XKR9: variants seen among roughly 807,000 people sequenced by gnomAD.
XKR9 encodes the protein XK-related protein 9.
A neutral mutation model predicts 32.0 loss-of-function variants in XKR9; 32 were observed. The observed-to-expected ratio is 1.00, with a 90% CI of 0.76 to 1.34. The LOEUF (loss-of-function observed/expected upper bound fraction) is 1.34, where lower values mean the gene tolerates loss of function less well. Ranked by LOEUF, XKR9 falls within the 40% of genes most tolerant of loss-of-function variation. The pLI, the probability that XKR9 is intolerant of heterozygous loss-of-function variation, is 0.00. For synonymous variants in XKR9, 168 were observed against 143.4 expected, an observed-to-expected ratio of 1.17 and a Z score of -1.22; for missense variants, 546 against 429.7, an observed-to-expected ratio of 1.27 and a Z score of -2.39.
At chr8:70,965,379 T>G in the XKR9 span, among the ~76,000 whole-genome samples, 2 of 152,200 alleles carry the variant, frequency 1.3e-5, no homozygotes, top group Non-Finnish European at 2.9e-5. Flanking sequence ...TTTGCGTTGA[T>G]GTTTATCAGA....
intron 4 of XKR9, among the ~76,000 whole-genome samples, chr8:70,716,194 G>A (rs1586849527): frequency 6.6e-6 from 1 of 152,002 alleles, no homozygotes; most frequent in East Asian, 1.9e-4. Context: ...TAATTAGAGG[G>A]TTATGAAAAC....
the XKR9 span, among the ~76,000 whole-genome samples, chr8:70,949,803 C>A: frequency 2.6e-5 from 4 of 152,046 alleles, no homozygotes; most frequent in South Asian, 2.1e-4. Context: ...GGAGATCCTG[C>A]AAGATTAGTT....
the XKR9 span, among the ~76,000 whole-genome samples, chr8:70,829,432 G>A: frequency 6.6e-6 from 1 of 152,118 alleles, no homozygotes; most frequent in Non-Finnish European, 1.5e-5. Flanking sequence ...AAAGCCTCTT[G>A]ACATGTATTA....
the XKR9 span, among the ~76,000 whole-genome samples, chr8:70,804,462 T>C: frequency 6.6e-6 from 1 of 152,264 alleles, no homozygotes; most frequent in Non-Finnish European, 1.5e-5. Context: ...AATTATTTTA[T>C]GTGCAAAGTG....
At chr8:70,897,814 G>A in the XKR9 span, among the ~76,000 whole-genome samples, 376 of 152,164 alleles carry the variant, frequency 2.5e-3, no homozygotes, top group Non-Finnish European at 4.5e-3. Flanking sequence ...CTCCCATTCC[G>A]TGGGTTATCT....
At chr8:70,846,477 T>C in the XKR9 span, among the ~76,000 whole-genome samples, 1 of 151,696 alleles carries the variant, frequency 6.6e-6, no homozygotes. Flanking sequence ...GGAACAAAGA[T>C]ATACAAAACA....
chr8:71,007,903 CA>C, the XKR9 span, among the ~76,000 whole-genome samples: 1 of 150,874 alleles, frequency 6.6e-6, no homozygotes, highest in Non-Finnish European at 1.5e-5. Flanking sequence ...TAAATAGAAG[CA>C]AAAAAGCATT....
Position 70,741,350 on chromosome 8 carries a change from G to A in XKR9, n.352+34197G>A, listed in dbSNP as rs575581835. Among the ~76,000 whole-genome samples, 4 of 152,334 alleles carry A rather than the reference G, an allele frequency of 2.6e-5. No individual in the cohort carries two copies. In the South Asian group the frequency reaches 8.3e-4, roughly 32 times the overall value. On this transcript the variant is annotated intron_variant and non_coding_transcript_variant, in intron 2 of 3. Transcript: ENST00000520273. Reference sequence around the variant, plus strand: ...CTGCCATGTTATGATAGAGCAAAGAGGCCCTCATCAGATGCTAGTGCTATG... The same window carrying A: ...CTGCCATGTTATGATAGAGCAAAGAAGCCCTCATCAGATGCTAGTGCTATG...
At chr8:70,832,059 CT>C in the XKR9 span, among the ~76,000 whole-genome samples, 1 of 152,124 alleles carries the variant, frequency 6.6e-6, no homozygotes, top group Non-Finnish European at 1.5e-5. Context: ...TAAAAATTAA[CT>C]TTTAAGAGGT....
the XKR9 span, among the ~76,000 whole-genome samples, chr8:71,044,864 C>T: frequency 9.2e-4 from 140 of 152,262 alleles, no homozygotes; most frequent in African/African-American, 3.1e-3. Context: ...GTACAACCAG[C>T]GTAGTTTATC....
chr8:71,053,313 C>T, the XKR9 span, among the ~76,000 whole-genome samples: 1 of 152,178 alleles, frequency 6.6e-6, no homozygotes, highest in Non-Finnish European at 1.5e-5. Flanking sequence ...GATTCTAAAA[C>T]CCCAGGTGAA....
At chr8:70,865,936 A>T in the XKR9 span, among the ~76,000 whole-genome samples, 1 of 152,190 alleles carries the variant, frequency 6.6e-6, no homozygotes, top group East Asian at 1.9e-4. Context: ...ACTTTTTTAC[A>T]TGTAGGGTGA....
At chr8:70,739,468 T>C (rs1017377588), downstream of XKR9, among the ~76,000 whole-genome samples, 1 of 152,194 alleles carries the variant, frequency 6.6e-6, no homozygotes, top group Admixed American at 6.5e-5. Flanking sequence ...TCCATTTACA[T>C]TTAAAGTTAA....
At chr8:70,914,690 C>T in the XKR9 span, among the ~76,000 whole-genome samples, 48,328 of 151,986 alleles carry the variant, frequency 0.32, 9,007 homozygotes, top group Non-Finnish European at 0.43. Flanking sequence ...ACTTCCTTAA[C>T]GGTGTCTTTT....
the XKR9 span, among the ~76,000 whole-genome samples, chr8:70,837,142 A>G: frequency 6.6e-6 from 1 of 152,012 alleles, no homozygotes; most frequent in Non-Finnish European, 1.5e-5. Context: ...TACCTCTAAT[A>G]CCACTTATTT....
chr8:71,004,998 C>CTTTTT, the XKR9 span, among the ~76,000 whole-genome samples: 20 of 48,230 alleles, frequency 4.1e-4, no homozygotes, highest in Non-Finnish European at 5.4e-4. Flanking sequence ...TTAATCTATG[C>CTTTTT]TTTTTTTTTT....
chr8:70,852,856 G>C, the XKR9 span, among the ~76,000 whole-genome samples: 56 of 152,200 alleles, frequency 3.7e-4, no homozygotes, highest in East Asian at 2.3e-3. Flanking sequence ...TGGCAGGTGG[G>C]GGACAGGAAA....
the XKR9 span, among the ~76,000 whole-genome samples, chr8:70,844,008 G>A: frequency 6.6e-6 from 1 of 152,196 alleles, no homozygotes; most frequent in South Asian, 2.1e-4. Flanking sequence ...TGGAATGTCA[G>A]GCTTCCCAGC....
the XKR9 span, among the ~76,000 whole-genome samples, chr8:70,923,172 T>C: frequency 6.6e-6 from 1 of 152,242 alleles, no homozygotes; most frequent in Non-Finnish European, 1.5e-5. Flanking sequence ...CAGTGTGCTT[T>C]TGAAAATGGC....
Sources: gnomAD v4.1 joint callset for allele counts (sites outside exome capture counted in the v4.1 genomes callset) on GRCh38, gnomAD v4.1.1 for gene constraint, MANE v1.5 for transcripts, NCBI Gene and HGNC (gene_info 2026-07-23, HGNC 2026-07-21) for gene names.